SCARB1: variants seen among roughly 807,000 people sequenced by gnomAD.
The protein encoded by SCARB1 is CD36 and LIMPII analogous 1.
Under a neutral mutation model 57.2 loss-of-function variants are expected in SCARB1, and 30 were observed. The ratio of observed to expected loss-of-function variants is 0.52; its 90% CI spans 0.39 to 0.71. The LOEUF (loss-of-function observed/expected upper bound fraction) is 0.71. Among genes scored for constraint, SCARB1 ranks in the 30% least tolerant of loss-of-function variants. The pLI is 0.00. For synonymous variants in SCARB1, 249 were observed against 268.3 expected, an observed-to-expected ratio of 0.93 and a Z score of 0.70; for missense variants, 543 against 671.2, an observed-to-expected ratio of 0.81 and a Z score of 2.11.
chr12:124,790,221 C>A (rs892864927), intron 9 of SCARB1, among the ~76,000 whole-genome samples: 1 of 151,184 alleles, frequency 6.6e-6, no homozygotes, highest in African/African-American at 2.4e-5. Flanking sequence ...ACAAAAAAAA[C>A]ACAAAAATTA....
intron 1 of SCARB1, among the ~76,000 whole-genome samples, chr12:124,854,339 T>G (rs532439785): frequency 6.6e-6 from 1 of 152,138 alleles, no homozygotes; most frequent in African/African-American, 2.4e-5. Flanking sequence ...GAAAAGGGAA[T>G]GCGGACGTCG....
At chr12:124,794,958 GA>G (rs1949889958) in intron 9 of SCARB1, among the ~76,000 whole-genome samples, 1 of 149,332 alleles carries the variant, frequency 6.7e-6, no homozygotes, top group Non-Finnish European at 1.5e-5. Flanking sequence ...AAACAAAAAA[GA>G]GAAAGAAAAG....
intron 6 of SCARB1, among the ~76,000 whole-genome samples, chr12:124,808,863 A>G (rs1454595629): frequency 2.6e-5 from 4 of 152,122 alleles, no homozygotes; most frequent in Non-Finnish European, 5.9e-5. Flanking sequence ...CATCAATAAC[A>G]CTTGAAATGA....
Position 124,807,630 on chromosome 12 carries a change from T to C in SCARB1, c.1009+131A>G, listed in dbSNP as rs1361733379. 5.8e-6 allele frequency: 5 copies of C among 866,732 alleles called. No individual in the cohort carries two copies. Among genetic ancestry groups the C allele is most frequent in the Non-Finnish European group, 9.0e-6 (5 of 557,812 alleles). 53.7% of individuals were successfully genotyped at this position (866,732 alleles called of 1,614,324 possible). On this transcript the variant is annotated intron_variant, in intron 7 of 12. Coordinates refer to ENST00000261693, the MANE Select transcript of SCARB1 (RefSeq NM_005505.5). The surrounding 1 kb of genome is among the most constrained non-coding windows in gnomAD (Gnocchi z 5.3). ...TTCAGATTATCTTCCTGCGGCCTCA[T>C]TATCTTCGCCTAATGGGATTATCAA...
Position 124,817,223 on chromosome 12 carries a change from T to C in SCARB1, c.284+327A>G. On this transcript the variant is annotated intron_variant, in intron 2 of 12. Coordinates refer to ENST00000261693, the MANE Select transcript of SCARB1 (RefSeq NM_005505.5). This position sits in a 1 kb window ranked among gnomAD's most constrained non-coding sequence, Gnocchi z 4.8. ...ACACCATTGGTCCCTCCCTGCTCCATAAAGAACCTCTCTAGGCAACGTCTG... is the reference window on the plus strand; with the variant it reads ...ACACCATTGGTCCCTCCCTGCTCCACAAAGAACCTCTCTAGGCAACGTCTG... Among the ~76,000 whole-genome samples, 1 of 151,214 alleles carries C rather than the reference T, an allele frequency of 6.6e-6. No homozygotes were observed. Among genetic ancestry groups the C allele is most frequent in the Non-Finnish European group, 1.5e-5 (1 of 67,782 alleles).
At chr12:124,852,578 A>G (rs981802144) in intron 1 of SCARB1, among the ~76,000 whole-genome samples, 6 of 152,240 alleles carry the variant, frequency 3.9e-5, no homozygotes, top group African/African-American at 1.2e-4. Flanking sequence ...CCTTAGCCCA[A>G]GGTCCTACGC....
rs951890253 is a variant in SCARB1 at position 124,806,701 on chromosome 12, C to G, written c.1009+1060G>C. 5.3e-5 allele frequency among the ~76,000 whole-genome samples: 8 copies of G among 152,180 alleles called. No homozygotes were observed. In the South Asian group the frequency reaches 8.3e-4, roughly 16 times the overall value. On this transcript the variant is annotated intron_variant, in intron 7 of 12. Transcript: ENST00000261693. ...CTTGAGGCCAGGTGTTTGAGACCAG[C>G]CTGGGCAACATGGTGAAACAACATC...
In SCARB1 at chr12:124,837,594, A is replaced by AAAAGAAAAGAAAAGAAAAGAAAAGAAAAG. The variant is rs140213588; in HGVS notation, c.127-19888_127-19887insCTTTTCTTTTCTTTTCTTTTCTTTTCTTT. On this transcript the variant is annotated intron_variant, in intron 1 of 12. Coordinates refer to ENST00000261693, the MANE Select transcript of SCARB1 (RefSeq NM_005505.5). Reference sequence around the variant, plus strand: ...AAAAGAAAAGAAAAGAAAAGAAAAGAAAAGTCAGCCAGCTGGGTGCAGTGC... The same window carrying AAAAGAAAAGAAAAGAAAAGAAAAGAAAAG: ...AAAAGAAAAGAAAAGAAAAGAAAAGAAAAGAAAAGAAAAGAAAAGAAAAGAAAAGAAAGTCAGCCAGCTGGGTGCAGTGC... Among the ~76,000 whole-genome samples, 94 of 39,028 alleles carry AAAAGAAAAGAAAAGAAAAGAAAAGAAAAG rather than the reference A, an allele frequency of 2.4e-3. 4 individuals carry two copies. The East Asian group carries it at 0.038, about 16-fold the overall frequency. The allele number at this position is 39,028 out of a possible 152,430, so 25.6% of individuals were successfully genotyped here.
rs1026333255 is a variant in SCARB1, at chr12:124,822,771, C to T, written c.127-5064G>A. ...GGCATGGTGGCGCACACCTGTGGTCCCAGCTACTCAGGAGACTGAGCTGGG... is the reference window on the plus strand; with the variant it reads ...GGCATGGTGGCGCACACCTGTGGTCTCAGCTACTCAGGAGACTGAGCTGGG... On this transcript the variant is annotated intron_variant, in intron 1 of 12. Coordinates refer to ENST00000261693, the MANE Select transcript of SCARB1 (RefSeq NM_005505.5). This position sits in a 1 kb window ranked among gnomAD's most constrained non-coding sequence, Gnocchi z 5.0. Among the ~76,000 whole-genome samples the T allele has an allele frequency of 6.6e-6, 1 of 152,118 alleles. No homozygotes were observed. The highest frequency in any genetic ancestry group is 1.5e-5 in the Non-Finnish European group (1 of 68,020).
chr12:124,793,548 C>T (rs957979929), intron 9 of SCARB1, among the ~76,000 whole-genome samples: 1 of 152,134 alleles, frequency 6.6e-6, no homozygotes, highest in Non-Finnish European at 1.5e-5. Context: ...AAAAAATTAG[C>T]CGGGCACGGT....
intron 12 of SCARB1, among the ~76,000 whole-genome samples, chr12:124,779,074 C>A (rs1370502194): frequency 6.6e-6 from 1 of 152,210 alleles, no homozygotes; most frequent in Non-Finnish European, 1.5e-5. Context: ...CCTCGGCCTC[C>A]CAAGTGGCCG....
chr12:124,814,918 G>A lies in SCARB1; in HGVS notation c.426+55C>T, dbSNP rs757398933. 2.5e-6 allele frequency: 4 copies of A among 1,610,548 alleles called. No individual in the cohort carries two copies. In the South Asian group the frequency reaches 3.3e-5, roughly 13 times the overall value. Reference sequence around the variant, plus strand: ...TCTGCACAAGGGGCAGGCGGGAGGAGAGACAGGGGACGAGGTCAGGGTGCG... The same window carrying A: ...TCTGCACAAGGGGCAGGCGGGAGGAAAGACAGGGGACGAGGTCAGGGTGCG... On this transcript the variant is annotated intron_variant, in intron 3 of 12. Transcript: ENST00000261693. This position sits in a 1 kb window ranked among gnomAD's most constrained non-coding sequence, Gnocchi z 4.7.
chr12:124,825,968 G>T (rs1413558593), intron 1 of SCARB1, among the ~76,000 whole-genome samples: 2 of 152,030 alleles, frequency 1.3e-5, no homozygotes, highest in African/African-American at 4.8e-5. Flanking sequence ...TGGTCTGGAG[G>T]TTGCATGCAC....
intron 1 of SCARB1, among the ~76,000 whole-genome samples, chr12:124,852,233 A>C: frequency 6.6e-6 from 1 of 152,184 alleles, no homozygotes; most frequent in East Asian, 1.9e-4. Flanking sequence ...GGGGCAGGAA[A>C]GGGGTCAATC....
chr12:124,819,447 T>C (rs1594293413), intron 1 of SCARB1, among the ~76,000 whole-genome samples: 1 of 152,226 alleles, frequency 6.6e-6, no homozygotes, highest in East Asian at 1.9e-4. Context: ...TTAAAGGGAC[T>C]ATAGGAAACA....
chr12:124,859,217 T>C (rs1952779049), intron 1 of SCARB1, among the ~76,000 whole-genome samples: 1 of 152,112 alleles, frequency 6.6e-6, no homozygotes, highest in African/African-American at 2.4e-5. Flanking sequence ...AGCATGTGGA[T>C]ACATTTTCTC....
In SCARB1 at chr12:124,850,394, G is replaced by A. The variant is rs555949369; in HGVS notation, c.126+13201C>T. Reference sequence around the variant, plus strand: ...TCTCAAAAAAATAAATAAATAGGCCGGGCTTCGTGGCTCACACCTGTAATC... The same window carrying A: ...TCTCAAAAAAATAAATAAATAGGCCAGGCTTCGTGGCTCACACCTGTAATC... On this transcript the variant is annotated intron_variant, in intron 1 of 12. Coordinates refer to ENST00000261693, the MANE Select transcript of SCARB1 (RefSeq NM_005505.5). 9.9e-5 allele frequency among the ~76,000 whole-genome samples: 15 copies of A among 150,904 alleles called. No homozygotes were observed. The South Asian group carries it at 2.5e-3, about 25-fold the overall frequency.
intron 1 of SCARB1, among the ~76,000 whole-genome samples, chr12:124,824,014 AT>A (rs1290144695): frequency 3.2e-5 from 4 of 126,682 alleles, no homozygotes; most frequent in African/African-American, 7.0e-5. Context: ...AAAAAAAAAT[AT>A]ATACAAAAAT....
At position 124,815,063 on chromosome 12, in the gene SCARB1, G is replaced by C. The variant is rs1333830885; in HGVS notation, c.336C>G (p.Ser112=). 2.5e-6 allele frequency: 4 copies of C among 1,614,074 alleles called. No individual in the cohort carries two copies. In the East Asian group the frequency reaches 8.9e-5, roughly 36 times the overall value. ...ACTGGAAGGTGCGGTACTCGAGGAA[G>C]GACACGGTGTCGTTGTTGTTGAAGG... ...NITFNNNDTV[S]FLEYRTFQFQ... is the part of the protein sequence containing the mutation. Residue 112 remains serine, a synonymous_variant, in exon 3 of 13, where the codon TCC becomes TCG. Transcript: ENST00000261693.
Sources: gnomAD v4.1 joint callset for allele counts (sites outside exome capture counted in the v4.1 genomes callset) on GRCh38, gnomAD v4.1.1 for gene constraint, Gnocchi (gnomAD v3.1) non-coding constraint, MANE v1.5 for transcripts, NCBI Gene and HGNC (gene_info 2026-07-23, HGNC 2026-07-21) for gene names.